TUBGCP3: variants seen among roughly 807,000 people sequenced by gnomAD.
TUBGCP3 encodes gamma-tubulin complex component 3.
A neutral mutation model predicts 123.1 loss-of-function variants in TUBGCP3; 50 were observed. That is an observed-to-expected ratio of 0.41 (90% confidence interval 0.32 to 0.51). The LOEUF is 0.51. Ranked by LOEUF, TUBGCP3 falls within the 20% of genes least tolerant of loss-of-function variation. The pLI is 0.36. For missense variants in TUBGCP3, 882 were observed against 1,127.0 expected (o/e 0.78, Z 3.11); for synonymous variants, 405 against 413.9 (o/e 0.98, Z 0.26).
intron 8 of TUBGCP3, among the ~76,000 whole-genome samples, chr13:112,550,125 T>C (rs977875169): frequency 2.0e-5 from 3 of 151,580 alleles, no homozygotes; most frequent in African/African-American, 4.9e-5. Flanking sequence ...AGCTGTGGGA[T>C]GTAACTCCAG....
At chr13:112,536,486 T>C (rs1031887781) in intron 11 of TUBGCP3, among the ~76,000 whole-genome samples, 1 of 152,252 alleles carries the variant, frequency 6.6e-6, no homozygotes, top group African/African-American at 2.4e-5. Context: ...ATCTATTCTT[T>C]TCAGAGTACA....
intron 2 of TUBGCP3, among the ~76,000 whole-genome samples, chr13:112,566,182 T>A (rs190722959): frequency 2.0e-4 from 30 of 152,320 alleles, no homozygotes; most frequent in African/African-American, 7.0e-4. Context: ...TTGGGTTCCC[T>A]GGGGGAAGAG....
intron 14 of TUBGCP3, chr13:112,521,931 G>A (rs1256320651): frequency 1.4e-6 from 1 of 713,384 alleles, no homozygotes; most frequent in Non-Finnish European, 1.7e-6. Flanking sequence ...TCATTTTTAG[G>A]TGAACATTAA....
intron 17 of TUBGCP3, among the ~76,000 whole-genome samples, chr13:112,515,081 C>T (rs371355328): frequency 6.6e-6 from 1 of 152,134 alleles, no homozygotes; most frequent in Non-Finnish European, 1.5e-5. Context: ...TTTTCCCATA[C>T]ATAGAAAACT....
At chr13:112,564,737 A>G (rs913428809) in intron 3 of TUBGCP3, among the ~76,000 whole-genome samples, 2 of 152,246 alleles carry the variant, frequency 1.3e-5, no homozygotes, top group African/African-American at 4.8e-5. Flanking sequence ...GTTATTCACT[A>G]TGGCAGTACA....
At chr13:112,486,473 G>A (rs1222292171) in intron 21 of TUBGCP3, among the ~76,000 whole-genome samples, 1 of 152,234 alleles carries the variant, frequency 6.6e-6, no homozygotes, top group African/African-American at 2.4e-5. Context: ...AAACAGCAAA[G>A]TAACAGATGT....
At chr13:112,582,678 T>C (rs1295641758) in intron 1 of TUBGCP3, among the ~76,000 whole-genome samples, 1 of 152,166 alleles carries the variant, frequency 6.6e-6, no homozygotes, top group Admixed American at 6.5e-5. Context: ...TTCTGCTTAA[T>C]GCAAGAGTGA....
chr13:112,535,152 A>G (rs930947813), intron 11 of TUBGCP3, among the ~76,000 whole-genome samples: 1 of 152,240 alleles, frequency 6.6e-6, no homozygotes, highest in Non-Finnish European at 1.5e-5. Context: ...ATAATATTCC[A>G]TTGTATGGAT....
At chr13:112,531,456 A>G (rs1877566617) in intron 11 of TUBGCP3, among the ~76,000 whole-genome samples, 1 of 152,182 alleles carries the variant, frequency 6.6e-6, no homozygotes, top group Non-Finnish European at 1.5e-5. Flanking sequence ...GGCAGTGACG[A>G]AGTCACCGCG....
rs535420070 is a variant in TUBGCP3 at position 112,489,820 on chromosome 13, C to T, written c.2449-123G>A. Reference sequence around the variant, plus strand: ...GCTTTTTATGCCTCTCTGTACTGTTCAACACTTTCACAATAATTTTCTGAT... The same window carrying T: ...GCTTTTTATGCCTCTCTGTACTGTTTAACACTTTCACAATAATTTTCTGAT... On this transcript the variant is annotated intron_variant, in intron 20 of 21. Coordinates refer to ENST00000261965, the MANE Select transcript of TUBGCP3 (RefSeq NM_006322.6). The T allele has an allele frequency of 9.8e-4, 682 of 693,616 alleles. 6 individuals carry two copies. The Middle Eastern group carries it at 0.021, about 22-fold the overall frequency. 43.0% of individuals were successfully genotyped at this position (693,616 alleles called of 1,614,324 possible). A position where few individuals can be genotyped will look rare whatever the true frequency, so the allele number is the denominator to read the frequency against.
intron 1 of TUBGCP3, among the ~76,000 whole-genome samples, chr13:112,576,096 A>G (rs905339090): frequency 6.6e-6 from 1 of 152,254 alleles, no homozygotes; most frequent in Non-Finnish European, 1.5e-5. Context: ...GTTGTTTTAT[A>G]TCACTATATT....
At chr13:112,543,448 A>G (rs959889724) in intron 11 of TUBGCP3, among the ~76,000 whole-genome samples, 12 of 152,248 alleles carry the variant, frequency 7.9e-5, no homozygotes, top group Non-Finnish European at 1.8e-4. Context: ...AAAAATTTTT[A>G]AAAGAACTTT....
At chr13:112,490,969 G>T (rs1238586732) in intron 20 of TUBGCP3, among the ~76,000 whole-genome samples, 1 of 152,160 alleles carries the variant, frequency 6.6e-6, no homozygotes, top group Non-Finnish European at 1.5e-5. Context: ...CCTTCAAGTA[G>T]ATTTTTTTCC....
At chr13:112,510,046 A>G (rs1282675740) in intron 17 of TUBGCP3, among the ~76,000 whole-genome samples, 1 of 152,226 alleles carries the variant, frequency 6.6e-6, no homozygotes, top group East Asian at 1.9e-4. Flanking sequence ...CATTGGCAAT[A>G]AGGTCCAATG....
Position 112,519,098 on chromosome 13 carries a change from CTTG to C in TUBGCP3, c.1882-58_1882-56del, listed in dbSNP as rs1876402992. 7.1e-7 allele frequency: 1 copy of C among 1,416,340 alleles called. No homozygotes were observed. The highest frequency in any genetic ancestry group is 1.0e-6 in the Non-Finnish European group (1 of 1,001,558). The allele number at this position is 1,416,340 out of a possible 1,614,324, so 87.7% of individuals were successfully genotyped here. A position where few individuals can be genotyped will look rare whatever the true frequency, so the allele number is the denominator to read the frequency against. ...AGACCTTAAGCTTCTTGCTGAAGAA[CTTG>C]TTAACGCAAAGAAAAAGCAGTAAAA... On this transcript the variant is annotated intron_variant, in intron 15 of 21. Transcript: ENST00000261965. This position sits in a 1 kb window ranked among gnomAD's most constrained non-coding sequence, Gnocchi z 6.2.
intron 1 of TUBGCP3, among the ~76,000 whole-genome samples, chr13:112,576,049 G>C (rs946438514): frequency 1.3e-5 from 2 of 152,170 alleles, no homozygotes; most frequent in African/African-American, 4.8e-5. Flanking sequence ...AATTACGTAC[G>C]TGCCTTTCAT....
intron 7 of TUBGCP3, 39 bp from the exon 8 acceptor site, chr13:112,554,221 C>A: frequency 6.2e-7 from 1 of 1,608,156 alleles, no homozygotes; most frequent in East Asian, 2.2e-5. Context: ...CATTAAAAAG[C>A]AATACTAGAG....
chr13:112,559,842 A>T (rs1413510316), intron 3 of TUBGCP3, among the ~76,000 whole-genome samples: 2 of 152,212 alleles, frequency 1.3e-5, no homozygotes, highest in South Asian at 2.1e-4. Flanking sequence ...TAAAGTCAAG[A>T]TGCAGGTCTG....
At position 112,588,048 on chromosome 13, in the gene TUBGCP3, G is replaced by A. The variant is rs1882756353; in HGVS notation, c.-68C>T. 7.7e-7 allele frequency: 1 copy of A among 1,300,136 alleles called. No individual in the cohort carries two copies. The highest frequency in any genetic ancestry group is 1.0e-6 in the Non-Finnish European group (1 of 998,164). 80.5% of individuals were successfully genotyped at this position (1,300,136 alleles called of 1,614,324 possible). A position where few individuals can be genotyped will look rare whatever the true frequency, so the allele number is the denominator to read the frequency against. On this transcript the variant is annotated 5_prime_UTR_variant, in exon 1 of 22. Transcript: ENST00000261965. Reference sequence around the variant, plus strand: ...CTGCCGCCGCACGCGCAGGGACCGCGGCCCGCGCCCTTCCTGCGCCCCGCA... The same window carrying A: ...CTGCCGCCGCACGCGCAGGGACCGCAGCCCGCGCCCTTCCTGCGCCCCGCA...
Sources: allele counts gnomAD v4.1 joint callset (sites outside exome capture counted in the v4.1 genomes callset), GRCh38; gene constraint gnomAD v4.1.1; non-coding constraint Gnocchi (gnomAD v3.1); transcripts MANE v1.5; gene names NCBI Gene and HGNC (gene_info 2026-07-23, HGNC 2026-07-21).